Variants in IST1 observed in about 807,000 individuals in gnomAD.
The protein encoded by IST1 is IST1 homolog.
Under a neutral mutation model 37.0 loss-of-function variants are expected in IST1, and 23 were observed. That is an observed-to-expected ratio of 0.62 (90% confidence interval 0.45 to 0.88). The LOEUF (loss-of-function observed/expected upper bound fraction) is 0.88, where lower values mean the gene tolerates loss of function less well. IST1 is among the 40% of genes least tolerant of loss of function. The probability of loss-of-function intolerance (pLI) is 0.00; values close to 1 mark genes in which losing one functional copy is unlikely to be tolerated. For synonymous variants in IST1, 180 were observed against 161.7 expected (o/e 1.11, Z -0.86); for missense variants, 488 against 445.4 (o/e 1.10, Z -0.86).
At chr16:71,895,400 G>C, upstream of IST1, 1 of 438,462 alleles carries the variant, frequency 2.3e-6, no homozygotes, top group Non-Finnish European at 3.0e-6. Context: ...CCGAGGGAGG[G>C]TGCCCCGAGT....
In IST1 at chr16:71,924,070, T is replaced by C. The variant is rs997708917; in HGVS notation, c.852+690T>C. 25 of 452,212 alleles carry C rather than the reference T, an allele frequency of 5.5e-5. No individual in the cohort carries two copies. In the East Asian group the frequency reaches 1.3e-3, roughly 24 times the overall value. The allele number at this position is 452,212 out of a possible 1,614,324, so 28.0% of individuals were successfully genotyped here. A position where few individuals can be genotyped will look rare whatever the true frequency, so the allele number is the denominator to read the frequency against. ...GTTCCTGAGCTTGCTTTCTGTTCTT[T>C]CCTTTGGTTCCCATCTGTAGCTGAT... On this transcript the variant is annotated intron_variant, in intron 8 of 9. Coordinates refer to ENST00000378799, the MANE Select transcript of IST1 (RefSeq NM_001270975.2).
At chr16:71,920,936 A>T in intron 5 of IST1, 114 bp downstream of exon 5, 1 of 804,074 alleles carries the variant, frequency 1.2e-6, no homozygotes, top group South Asian at 1.4e-5. Flanking sequence ...TTCACCTTTC[A>T]TAGTGGGGTG....
chr16:71,907,793 T>C (rs1454939107), intron 1 of IST1, among the ~76,000 whole-genome samples: 2 of 152,138 alleles, frequency 1.3e-5, no homozygotes, highest in African/African-American at 4.8e-5. Context: ...CTTTGGTTTG[T>C]AATTTTTTAT....
intron 1 of IST1, among the ~76,000 whole-genome samples, chr16:71,907,525 C>T (rs1047379421): frequency 2.6e-5 from 4 of 152,188 alleles, no homozygotes; most frequent in Non-Finnish European, 5.9e-5. Context: ...GATCCGCCCG[C>T]CTCGGCTTCC....
chr16:71,918,119 T>C (rs913167338), intron 4 of IST1, among the ~76,000 whole-genome samples: 4 of 152,222 alleles, frequency 2.6e-5, no homozygotes, highest in Non-Finnish European at 5.9e-5. Context: ...TCATCTTTCC[T>C]TGGGTTGGTC....
intron 1 of IST1, among the ~76,000 whole-genome samples, chr16:71,915,083 T>C (rs367590653): frequency 2.8e-4 from 43 of 152,330 alleles, no homozygotes; most frequent in African/African-American, 1.0e-3. Flanking sequence ...ATTTCTGTAC[T>C]CTTGGGTACT....
At chr16:71,925,063 AGT>A (rs2037707390) in intron 9 of IST1, among the ~76,000 whole-genome samples, 1 of 139,872 alleles carries the variant, frequency 7.1e-6, no homozygotes, top group Non-Finnish European at 1.5e-5. Flanking sequence ...TCCAGGCTGG[AGT>A]GCAGTGTTGT....
Position 71,922,461 on chromosome 16 carries a change from C to CT in IST1, c.553-6dup, listed in dbSNP as rs751053570. The CT allele has an allele frequency of 1.9e-5, 30 of 1,612,068 alleles. No individual in the cohort carries two copies. Among genetic ancestry groups the CT allele is most frequent in the Middle Eastern group, 1.6e-4 (1 of 6,066 alleles). ...ACATGGGTTAATGACCTGGGTTTCT[C>CT]TTTTTTTCTCAGGCAGAAGCTCCTC... is the stretch of plus-strand genomic sequence containing the variant. On this transcript the variant is annotated splice_polypyrimidine_tract_variant and intron_variant, in intron 6 of 9. Coordinates refer to ENST00000378799, the MANE Select transcript of IST1 (RefSeq NM_001270975.2).
At chr16:71,910,483 G>A (rs1472520997) in intron 1 of IST1, among the ~76,000 whole-genome samples, 11 of 151,976 alleles carry the variant, frequency 7.2e-5, no homozygotes, top group South Asian at 2.1e-4. Flanking sequence ...GCGGGCGCCC[G>A]TAGTCCCAGC....
At chr16:71,907,698 A>G (rs1029457358) in intron 1 of IST1, among the ~76,000 whole-genome samples, 2 of 151,970 alleles carry the variant, frequency 1.3e-5, no homozygotes, top group South Asian at 2.1e-4. Context: ...TTCAGATTAG[A>G]TACTTTCTAT....
At chr16:71,914,674 C>T (rs1181067039) in intron 1 of IST1, among the ~76,000 whole-genome samples, 1 of 152,036 alleles carries the variant, frequency 6.6e-6, no homozygotes, top group Non-Finnish European at 1.5e-5. Context: ...AAAAGGAAAA[C>T]ACATCTGATG....
intron 1 of IST1, among the ~76,000 whole-genome samples, chr16:71,909,568 A>G (rs2037306342): frequency 6.6e-6 from 1 of 152,234 alleles, no homozygotes; most frequent in Non-Finnish European, 1.5e-5. Flanking sequence ...TCATTAAAGC[A>G]TACTTTTCAT....
intron 8 of IST1, among the ~76,000 whole-genome samples, chr16:71,923,821 G>A (rs913955375): frequency 1.1e-4 from 16 of 152,280 alleles, no homozygotes; most frequent in South Asian, 2.1e-4. Flanking sequence ...TTACATGTCG[G>A]CCGACAGCAT....
Position 71,918,384 on chromosome 16 carries a change from A to AG in IST1, c.357+1253dup, listed in dbSNP as rs553521915. 2.8e-3 allele frequency among the ~76,000 whole-genome samples: 417 copies of AG among 149,634 alleles called. 2 individuals are homozygous for AG. The highest frequency in any genetic ancestry group is 0.021 in the Middle Eastern group (6 of 280). On this transcript the variant is annotated intron_variant, in intron 4 of 9. Transcript: ENST00000378799. Reference sequence around the variant, plus strand: ...TAATTGAGTTTTGTGGGCAGAGAAGAGGGACAGTAGAGGCAACTGATTCTT... The same window carrying AG: ...TAATTGAGTTTTGTGGGCAGAGAAGAGGGGACAGTAGAGGCAACTGATTCTT...
intron 1 of IST1, among the ~76,000 whole-genome samples, chr16:71,901,248 C>G (rs1339840420): frequency 6.6e-6 from 1 of 151,932 alleles, no homozygotes; most frequent in African/African-American, 2.4e-5. Flanking sequence ...GAATCTTGCT[C>G]TGTCGCCCAG....
intron 1 of IST1, among the ~76,000 whole-genome samples, chr16:71,906,009 T>G (rs943165624): frequency 6.6e-6 from 1 of 150,784 alleles, no homozygotes; most frequent in African/African-American, 2.4e-5. Context: ...ATTCTTTTTT[T>G]TTTTTTTTTT....
intron 1 of IST1, among the ~76,000 whole-genome samples, chr16:71,896,149 C>G (rs910348800): frequency 6.6e-6 from 1 of 152,112 alleles, no homozygotes; most frequent in African/African-American, 2.4e-5. Flanking sequence ...AAGGAGCGGC[C>G]TCTGCCCGCT....
In IST1 at chr16:71,927,641, C is replaced by A. The variant is rs755671247; in HGVS notation, c.929C>A (p.Ala310Glu). Reference protein sequence around the residue: ...VGPGPKPEASAKLPSRPADNY... With the variant: ...VGPGPKPEASEKLPSRPADNY... ...CCTGGACCCAAGCCAGAAGCCTCTG[C>A]AAAGCTTCCTTCCAGACCTGCAGAT... The change falls in exon 10 of 10, where the codon GCA becomes GAA. Residue 310 changes from alanine (A) to glutamate (E), a missense_variant. Coordinates refer to ENST00000378799, the MANE Select transcript of IST1 (RefSeq NM_001270975.2). The A allele has an allele frequency of 6.2e-7, 1 of 1,613,788 alleles. No individual in the cohort carries two copies. Among genetic ancestry groups the A allele is most frequent in the Non-Finnish European group, 8.5e-7 (1 of 1,179,802 alleles).
intron 1 of IST1, chr16:71,903,056 A>G (rs376761523): frequency 6.6e-6 from 1 of 152,154 alleles, no homozygotes; most frequent in African/African-American, 2.4e-5. Context: ...GGGCATGATC[A>G]TAGCTCACTG....
Sources: gnomAD v4.1 joint callset for allele counts (sites outside exome capture counted in the v4.1 genomes callset) on GRCh38, gnomAD v4.1.1 for gene constraint, MANE v1.5 for transcripts, NCBI Gene and HGNC (gene_info 2026-07-23, HGNC 2026-07-21) for gene names.